Variants in SLC24A2 observed in about 807,000 individuals in gnomAD.
The protein encoded by SLC24A2 is sodium/potassium/calcium exchanger 2.
A neutral mutation model predicts 62.0 loss-of-function variants in SLC24A2; 36 were observed. The observed-to-expected ratio is 0.58, with a 90% CI of 0.44 to 0.77. The LOEUF is 0.77. Ranked by LOEUF, SLC24A2 falls within the 30% of genes least tolerant of loss-of-function variation. The probability of loss-of-function intolerance (pLI) is 0.00; values close to 1 mark genes in which losing one functional copy is unlikely to be tolerated. For synonymous variants in SLC24A2, 358 were observed against 294.0 expected (o/e 1.22, Z -2.23); for missense variants, 846 against 817.9 (o/e 1.03, Z -0.42).
the SLC24A2 span, among the ~76,000 whole-genome samples, chr9:19,963,014 T>C: frequency 6.6e-6 from 1 of 152,164 alleles, no homozygotes; most frequent in Non-Finnish European, 1.5e-5. Context: ...ATAGCTCTTA[T>C]TATTTTGAGA....
intron 7 of SLC24A2, among the ~76,000 whole-genome samples, chr9:19,558,668 A>G (rs774609225): frequency 3.3e-5 from 5 of 152,212 alleles, no homozygotes; most frequent in African/African-American, 7.2e-5. Flanking sequence ...TCAGACTTCA[A>G]CATTCAGTGT....
At chr9:20,072,656 C>T in the SLC24A2 span, among the ~76,000 whole-genome samples, 127 of 151,606 alleles carry the variant, frequency 8.4e-4, no homozygotes, top group East Asian at 0.019. Flanking sequence ...ATGATGTAAT[C>T]GCAATGATCT....
chr9:19,941,920 T>C, the SLC24A2 span, among the ~76,000 whole-genome samples: 1 of 152,144 alleles, frequency 6.6e-6, no homozygotes, highest in Non-Finnish European at 1.5e-5. Context: ...TGTATACATA[T>C]GCATATTTAT....
the SLC24A2 span, among the ~76,000 whole-genome samples, chr9:20,186,147 A>C: frequency 3.9e-5 from 6 of 152,010 alleles, no homozygotes; most frequent in South Asian, 1.2e-3. Flanking sequence ...ACATAGCGTA[A>C]TAGGGGGGAC....
the SLC24A2 span, among the ~76,000 whole-genome samples, chr9:20,172,195 T>C: frequency 3.3e-5 from 5 of 151,860 alleles, no homozygotes; most frequent in African/African-American, 1.2e-4. Flanking sequence ...CTCTGGGATA[T>C]AGCAAAGGCA....
the SLC24A2 span, among the ~76,000 whole-genome samples, chr9:19,829,810 T>TACACACAC: frequency 1.5e-4 from 5 of 34,142 alleles, no homozygotes; most frequent in Admixed American, 1.0e-3. Flanking sequence ...TATATATATA[T>TACACACAC]ACACACACAC....
In SLC24A2 at chr9:19,599,474, CT is replaced by C. The variant is rs1836788236; in HGVS notation, c.1079-2196del. On this transcript the variant is annotated intron_variant, in intron 4 of 10. Coordinates refer to ENST00000341998, the MANE Select transcript of SLC24A2 (RefSeq NM_020344.4). This position sits in a 1 kb window ranked among gnomAD's most constrained non-coding sequence, Gnocchi z 4.5. The stretch of plus-strand genomic sequence containing the variant: ...AGGAAGCAGTGGAAGGGAATGGTAT[CT>C]GCCCAAACAAAGAGAACCATGTTTA... Among the ~76,000 whole-genome samples, 1 of 152,156 alleles carries C rather than the reference CT, an allele frequency of 6.6e-6. No individual in the cohort carries two copies. Among genetic ancestry groups the C allele is most frequent in the Non-Finnish European group, 1.5e-5 (1 of 68,032 alleles).
At chr9:19,642,190 TAGG>T (rs1729531040) in intron 2 of SLC24A2, among the ~76,000 whole-genome samples, 1 of 152,100 alleles carries the variant, frequency 6.6e-6, no homozygotes, top group Non-Finnish European at 1.5e-5. Flanking sequence ...GGACAGAGAC[TAGG>T]AGATGTCCCA....
chr9:20,212,684 G>C, the SLC24A2 span, among the ~76,000 whole-genome samples: 1 of 151,126 alleles, frequency 6.6e-6, no homozygotes, highest in South Asian at 2.1e-4. Context: ...ATAAGTATGA[G>C]TGATTTACTA....
At chr9:19,835,602 C>T in the SLC24A2 span, among the ~76,000 whole-genome samples, 6 of 152,200 alleles carry the variant, frequency 3.9e-5, no homozygotes, top group African/African-American at 9.6e-5. Flanking sequence ...TACAAAGAGA[C>T]TTAGACTCCC....
the SLC24A2 span, among the ~76,000 whole-genome samples, chr9:20,041,552 G>C: frequency 6.6e-6 from 1 of 152,230 alleles, no homozygotes; most frequent in East Asian, 1.9e-4. Context: ...AACAAAACCA[G>C]CCTTGTATCA....
the SLC24A2 span, among the ~76,000 whole-genome samples, chr9:20,136,574 A>C: frequency 5.3e-5 from 8 of 152,254 alleles, no homozygotes; most frequent in Non-Finnish European, 1.2e-4. Context: ...TTGCCCCAAC[A>C]TATTTACCAC....
At chr9:20,067,644 T>C in the SLC24A2 span, among the ~76,000 whole-genome samples, 1 of 152,146 alleles carries the variant, frequency 6.6e-6, no homozygotes, top group Non-Finnish European at 1.5e-5. Context: ...GTATTTTGTT[T>C]TCTGTTCCTG....
intron 2 of SLC24A2, among the ~76,000 whole-genome samples, chr9:19,651,989 T>C (rs1225191391): frequency 6.6e-6 from 1 of 152,208 alleles, no homozygotes; most frequent in Non-Finnish European, 1.5e-5. Context: ...GAGTGAATTA[T>C]TTCACAAGTA....
rs1248828967 is a variant in SLC24A2 at position 19,708,725 on chromosome 9, C to G, written c.930+77212G>C. ...CATATGGAGAAAGCTGAAACTGGAT[C>G]CCTTCCTTACATCTTATACAAAAAT... On this transcript the variant is annotated intron_variant, in intron 2 of 10. Transcript: ENST00000341998. Among the ~76,000 whole-genome samples the G allele has an allele frequency of 3.9e-5, 6 of 152,198 alleles. No individual in the cohort carries two copies. In the East Asian group the frequency reaches 1.2e-3, roughly 29 times the overall value.
At chr9:19,646,077 C>T (rs1044841486) in intron 2 of SLC24A2, among the ~76,000 whole-genome samples, 1 of 152,114 alleles carries the variant, frequency 6.6e-6, no homozygotes, top group Non-Finnish European at 1.5e-5. Flanking sequence ...ATCAAATCAC[C>T]ATGGAAATGA....
the SLC24A2 span, among the ~76,000 whole-genome samples, chr9:20,222,482 T>TA: frequency 1.3e-5 from 2 of 152,034 alleles, no homozygotes; most frequent in African/African-American, 4.8e-5. Flanking sequence ...TTTTAGAGAA[T>TA]AAAAGACAAG....
rs1832579156 is a variant in SLC24A2 at position 19,508,241 on chromosome 9, T to TA, written c.*7911dup. On this transcript the variant is annotated 3_prime_UTR_variant, in exon 11 of 11. Coordinates refer to ENST00000341998, the MANE Select transcript of SLC24A2 (RefSeq NM_020344.4). ...TTCAGGGTTCAATAGCGCAATTCAG[T>TA]AACTGAGGCTCCCTCTTCCGAATAG... 1 of 152,182 alleles carries TA rather than the reference T, an allele frequency of 6.6e-6. No homozygotes were observed. Among genetic ancestry groups the TA allele is most frequent in the African/African-American group, 2.4e-5 (1 of 41,434 alleles). 9.4% of individuals were successfully genotyped at this position (152,182 alleles called of 1,614,324 possible). A position where few individuals can be genotyped will look rare whatever the true frequency, so the allele number is the denominator to read the frequency against.
At chr9:19,822,942 T>C in the SLC24A2 span, among the ~76,000 whole-genome samples, 16 of 152,080 alleles carry the variant, frequency 1.1e-4, no homozygotes. Flanking sequence ...CCTCCTTCCT[T>C]CCTCTTCTCC....
Sources: allele counts gnomAD v4.1 joint callset (sites outside exome capture counted in the v4.1 genomes callset), GRCh38; gene constraint gnomAD v4.1.1; non-coding constraint Gnocchi (gnomAD v3.1); transcripts MANE v1.5; gene names NCBI Gene and HGNC (gene_info 2026-07-23, HGNC 2026-07-21).